Variants in RAB18 observed in about 807,000 individuals in gnomAD.
RAB18 encodes ras-related protein Rab-18.
In RAB18, 10 loss-of-function variants were observed where a neutral mutation model predicts 28.5. That is an observed-to-expected ratio of 0.35 (90% CI 0.22 to 0.60). The LOEUF is 0.60. Among genes scored for constraint, RAB18 ranks in the 20% least tolerant of loss-of-function variants. The probability of loss-of-function intolerance (pLI) is 0.78; values close to 1 mark genes in which losing one functional copy is unlikely to be tolerated. For missense variants in RAB18, 188 were observed against 244.2 expected (o/e 0.77, Z 1.53); for synonymous variants, 93 against 86.9 (o/e 1.07, Z -0.39).
chr10:27,508,948 TTGAA>T (rs750386736), intron 1 of RAB18, among the ~76,000 whole-genome samples: 10 of 152,166 alleles, frequency 6.6e-5, no homozygotes, highest in Admixed American at 1.3e-4. Context: ...TGAGGGAAGA[TTGAA>T]TGACTTTAAA....
chr10:27,541,456 T>A lies in RAB18; in HGVS notation c.*3405T>A. ...GTTTTGTTGCTAGCTTATTGTTTCA[T>A]ACTTGGGAATCAGTCATGTTTCTGA... On this transcript the variant is annotated 3_prime_UTR_variant, in exon 7 of 7. Transcript: ENST00000356940. The A allele has an allele frequency of 2.2e-6, 1 of 453,850 alleles. No homozygotes were observed. 28.1% of individuals were successfully genotyped at this position (453,850 alleles called of 1,614,324 possible). A position where few individuals can be genotyped will look rare whatever the true frequency, so the allele number is the denominator to read the frequency against.
chr10:27,536,161 T>C (rs1834896417), intron 6 of RAB18, among the ~76,000 whole-genome samples: 1 of 151,556 alleles, frequency 6.6e-6, no homozygotes, highest in Non-Finnish European at 1.5e-5. Flanking sequence ...TGCCAATAAT[T>C]AGGATGTGAA....
chr10:27,541,281 AATAGAC>A lies in RAB18; in HGVS notation c.*3238_*3243del, dbSNP rs1183267873. 1 of 453,894 alleles carries A rather than the reference AATAGAC, an allele frequency of 2.2e-6. No individual in the cohort carries two copies. Among genetic ancestry groups the A allele is most frequent in the Admixed American group, 2.3e-5 (1 of 42,570 alleles). The allele number at this position is 453,894 out of a possible 1,614,324, so 28.1% of individuals were successfully genotyped here. On this transcript the variant is annotated 3_prime_UTR_variant, in exon 7 of 7. Transcript: ENST00000356940. Reference sequence around the variant, plus strand: ...CCTAAACTGTTGAAAGACGAGAATAAATAGACATAGACAGGCTAGCTAAGTCAAGAC... The same window carrying A: ...CCTAAACTGTTGAAAGACGAGAATAAATAGACAGGCTAGCTAAGTCAAGAC...
intron 6 of RAB18, among the ~76,000 whole-genome samples, chr10:27,534,412 AT>A (rs1431283689): frequency 1.3e-5 from 2 of 152,342 alleles, no homozygotes; most frequent in African/African-American, 2.4e-5. Context: ...ATGCACATTA[AT>A]TTTTGAGAAA....
At chr10:27,528,805 C>CT (rs953184485) in intron 3 of RAB18, among the ~76,000 whole-genome samples, 8 of 151,542 alleles carry the variant, frequency 5.3e-5, no homozygotes, top group Non-Finnish European at 8.8e-5. Context: ...ACCAAAAAGC[C>CT]TTTTTTTTCA....
rs1421656402 is a variant in RAB18, at chr10:27,535,698, G to A, written c.445+1704G>A. Among the ~76,000 whole-genome samples, 10 of 152,288 alleles carry A rather than the reference G, an allele frequency of 6.6e-5. No homozygotes were observed. In the East Asian group the frequency reaches 1.7e-3, roughly 26 times the overall value. On this transcript the variant is annotated intron_variant, in intron 6 of 6. Transcript: ENST00000356940. ...AAGGAAGAAGCGGTTTGACTGTGTA[G>A]CCGTAGAGGGTGGTAGAAAATTGGC...
At position 27,528,411 on chromosome 10, in the gene RAB18, A is replaced by G. The variant is rs995636807; in HGVS notation, c.186+1522A>G. The G allele has an allele frequency of 6.8e-6, 3 of 440,892 alleles. No homozygotes were observed. In the Admixed American group the frequency reaches 7.9e-5, roughly 12 times the overall value. The allele number at this position is 440,892 out of a possible 1,614,324, so 27.3% of individuals were successfully genotyped here. A position where few individuals can be genotyped will look rare whatever the true frequency, so the allele number is the denominator to read the frequency against. On this transcript the variant is annotated intron_variant, in intron 3 of 6. Coordinates refer to ENST00000356940, the MANE Select transcript of RAB18 (RefSeq NM_021252.5). ...AGCAGAGAAGAACATCTATAAAAGT[A>G]TACCACTGAATACATTTTAGTGAGC...
At chr10:27,517,621 T>C (rs1397728189) in intron 2 of RAB18, among the ~76,000 whole-genome samples, 1 of 152,232 alleles carries the variant, frequency 6.6e-6, no homozygotes, top group Non-Finnish European at 1.5e-5. Context: ...TTCTTGATAA[T>C]TTATTCTTTC....
intron 2 of RAB18, among the ~76,000 whole-genome samples, chr10:27,522,799 A>G (rs541803221): frequency 4.3e-4 from 66 of 152,232 alleles, no homozygotes; most frequent in African/African-American, 1.5e-3. Context: ...ATTTATTGGC[A>G]TAAACTTGTT....
intron 3 of RAB18, 144 bp from the exon 4 acceptor site, chr10:27,532,363 C>T: frequency 1.7e-6 from 1 of 583,116 alleles, no homozygotes; most frequent in South Asian, 2.3e-5. Context: ...AGTAAGCGAA[C>T]ACATCTTATT....
At chr10:27,511,692 A>G (rs1007346493) in intron 2 of RAB18, among the ~76,000 whole-genome samples, 2 of 152,234 alleles carry the variant, frequency 1.3e-5, no homozygotes, top group African/African-American at 2.4e-5. Flanking sequence ...TTTTCAGAAC[A>G]TAGTGTCAGT....
chr10:27,520,531 CAG>C (rs974351971), intron 2 of RAB18, among the ~76,000 whole-genome samples: 6 of 152,136 alleles, frequency 3.9e-5, no homozygotes, highest in Admixed American at 1.3e-4. Flanking sequence ...TAGCTTTGCA[CAG>C]AGTTTACTCC....
chr10:27,539,235 C>A lies in RAB18; in HGVS notation c.*1184C>A. ...CATGTGTTATTTAATTTACACTGAT[C>A]TCTGCTATTTTAACCCCCCAAATAA... On this transcript the variant is annotated 3_prime_UTR_variant, in exon 7 of 7. Coordinates refer to ENST00000356940, the MANE Select transcript of RAB18 (RefSeq NM_021252.5). 1 of 320,966 alleles carries A rather than the reference C, an allele frequency of 3.1e-6. No homozygotes were observed. Among genetic ancestry groups the A allele is most frequent in the Non-Finnish European group, 6.0e-6 (1 of 165,810 alleles). The allele number at this position is 320,966 out of a possible 1,614,324, so 19.9% of individuals were successfully genotyped here.
intron 2 of RAB18, among the ~76,000 whole-genome samples, chr10:27,511,654 A>G (rs550660155): frequency 2.6e-4 from 40 of 152,184 alleles, no homozygotes; most frequent in Non-Finnish European, 4.4e-4. Flanking sequence ...CAGGTTATGC[A>G]GTTTTGGCAG....
intron 2 of RAB18, among the ~76,000 whole-genome samples, chr10:27,516,801 T>G (rs1490877171): frequency 6.6e-6 from 1 of 152,208 alleles, no homozygotes; most frequent in Non-Finnish European, 1.5e-5. Flanking sequence ...CTGGGTCCAC[T>G]TCTCTTAATA....
intron 3 of RAB18, among the ~76,000 whole-genome samples, chr10:27,530,909 A>G (rs1834775071): frequency 6.6e-6 from 1 of 151,988 alleles, no homozygotes; most frequent in African/African-American, 2.4e-5. Context: ...GGACTACAAT[A>G]TTGACTTGTC....
At chr10:27,533,600 A>G (rs991673659) in intron 4 of RAB18, 135 bp from the exon 5 acceptor site, 2 of 1,015,446 alleles carry the variant, frequency 2.0e-6, no homozygotes, top group African/African-American at 1.6e-5. Context: ...TAGACACTCA[A>G]TATTAATCGT....
In RAB18 at chr10:27,521,738, G is replaced by A. The variant is rs190516246; in HGVS notation, c.125-5090G>A. On this transcript the variant is annotated intron_variant, in intron 2 of 6. Transcript: ENST00000356940. ...TGAGGGATTTAAAAAACTACACATT[G>A]GGTACAGTGCACACTGCCCGGTTGA... Among the ~76,000 whole-genome samples the A allele has an allele frequency of 4.6e-5, 7 of 152,184 alleles. No homozygotes were observed. In the East Asian group the frequency reaches 7.7e-4, roughly 17 times the overall value.
At chr10:27,508,018 T>G (rs1032132088) in intron 1 of RAB18, among the ~76,000 whole-genome samples, 10 of 135,834 alleles carry the variant, frequency 7.4e-5, no homozygotes, top group Admixed American at 1.5e-4. Context: ...CCCTCTCTCT[T>G]AAAAAAAAAA....
Sources: gnomAD v4.1 joint callset for allele counts (sites outside exome capture counted in the v4.1 genomes callset) on GRCh38, gnomAD v4.1.1 for gene constraint, MANE v1.5 for transcripts, NCBI Gene and HGNC (gene_info 2026-07-23, HGNC 2026-07-21) for gene names.